MRRF: variants seen among roughly 807,000 people sequenced by gnomAD.
MRRF encodes ribosome-recycling factor, mitochondrial.
Under a neutral mutation model 25.1 loss-of-function variants are expected in MRRF, and 18 were observed. That is an observed-to-expected ratio of 0.72 (90% confidence interval 0.50 to 1.06). MRRF has a LOEUF of 1.06. Ranked by LOEUF, MRRF falls within the 50% of genes least tolerant of loss-of-function variation. The pLI, the probability that MRRF is intolerant of heterozygous loss-of-function variation, is 0.00. For synonymous variants in MRRF, 113 were observed against 112.1 expected (o/e 1.01, Z -0.05); for missense variants, 323 against 319.3 (o/e 1.01, Z -0.09).
intron 5 of MRRF, among the ~76,000 whole-genome samples, chr9:122,298,963 A>G (rs1047465928): frequency 6.6e-6 from 1 of 152,158 alleles, no homozygotes; most frequent in Non-Finnish European, 1.5e-5. Flanking sequence ...GTACAAGAAC[A>G]AACCATGCCT....
At chr9:122,298,094 G>A (rs1026078356) in intron 5 of MRRF, among the ~76,000 whole-genome samples, 1 of 152,164 alleles carries the variant, frequency 6.6e-6, no homozygotes, top group Non-Finnish European at 1.5e-5. Context: ...AGCTAGTAAA[G>A]GTAGAGTTGA....
chr9:122,309,320 CT>C (rs1198520714), intron 5 of MRRF, among the ~76,000 whole-genome samples: 7 of 152,144 alleles, frequency 4.6e-5, no homozygotes, highest in African/African-American at 1.7e-4. Flanking sequence ...CTACTAAGAC[CT>C]ACTAAGACAT....
At chr9:122,269,434 A>T (rs1344216247) in intron 1 of MRRF, among the ~76,000 whole-genome samples, 1 of 151,668 alleles carries the variant, frequency 6.6e-6, no homozygotes, top group Non-Finnish European at 1.5e-5. Flanking sequence ...CTGGCATAAA[A>T]GTTTTAGAGG....
chr9:122,301,226 C>T (rs1463470154), intron 5 of MRRF, among the ~76,000 whole-genome samples: 1 of 152,142 alleles, frequency 6.6e-6, no homozygotes, highest in Non-Finnish European at 1.5e-5. Context: ...TTATTCCCTC[C>T]ACCCCGCCGT....
chr9:122,301,292 G>C (rs762493556), intron 5 of MRRF, among the ~76,000 whole-genome samples: 1 of 152,208 alleles, frequency 6.6e-6, no homozygotes, highest in Non-Finnish European at 1.5e-5. Flanking sequence ...TTTCCAGGGA[G>C]AGCAAGCTGG....
At chr9:122,287,371 C>A (rs1401051082) in intron 4 of MRRF, among the ~76,000 whole-genome samples, 30 of 152,170 alleles carry the variant, frequency 2.0e-4, no homozygotes, top group Admixed American at 1.9e-3. Flanking sequence ...GGGAGGCACT[C>A]ATTTCTGATG....
chr9:122,285,852 A>T (rs778088711), intron 4 of MRRF: 66 of 1,285,664 alleles, frequency 5.1e-5, no homozygotes, highest in Non-Finnish European at 6.7e-5. Flanking sequence ...TGACCTCTGC[A>T]TTAGTATTTG....
chr9:122,285,127 A>G (rs778236137), intron 3 of MRRF, 42 bp from the exon 4 acceptor site: 8 of 1,297,062 alleles, frequency 6.2e-6, no homozygotes, highest in Non-Finnish European at 7.8e-6. Context: ...TGGGGCTACT[A>G]AGGTTCTTTG....
At chr9:122,286,275 A>C (rs1287341628) in intron 4 of MRRF, 7 of 1,111,618 alleles carry the variant, frequency 6.3e-6, no homozygotes, top group Non-Finnish European at 8.2e-6. Flanking sequence ...GATAGGAGAA[A>C]GGGAAAGCCC....
At chr9:122,304,285 C>G (rs1834687725) in intron 5 of MRRF, among the ~76,000 whole-genome samples, 1 of 151,754 alleles carries the variant, frequency 6.6e-6, no homozygotes, top group African/African-American at 2.4e-5. Context: ...TTCCAGTACA[C>G]TGTTTCTTTC....
chr9:122,289,920 CT>C (rs780767874), intron 4 of MRRF, among the ~76,000 whole-genome samples: 3 of 151,666 alleles, frequency 2.0e-5, no homozygotes, highest in Non-Finnish European at 1.5e-5. Context: ...CCCAGCTCTT[CT>C]TTCTTTTTTT....
chr9:122,270,978 T>TA lies in MRRF; in HGVS notation c.88dup (p.Thr30AsnfsTer7). 5.0e-6 allele frequency: 8 copies of TA among 1,614,212 alleles called. No homozygotes were observed. Among genetic ancestry groups the TA allele is most frequent in the Non-Finnish European group, 5.9e-6 (7 of 1,180,018 alleles). ...CCTCTATCAGACCCGTTTCAGAAGT[T>TA]ACACTGAAGACAGTGCATGAAAGAC... On this transcript the variant is annotated frameshift_variant, in exon 2 of 7. Coordinates refer to ENST00000344641, the MANE Select transcript of MRRF (RefSeq NM_138777.5). LOFTEE classifies it high-confidence loss of function.
At chr9:122,311,124 CAG>C (rs1835178073) in intron 5 of MRRF, among the ~76,000 whole-genome samples, 1 of 152,180 alleles carries the variant, frequency 6.6e-6, no homozygotes, top group Admixed American at 6.5e-5. Flanking sequence ...CTGAGGCTCA[CAG>C]AGATTAAGTA....
At chr9:122,291,667 T>C in intron 4 of MRRF, 82 bp from the exon 5 acceptor site, 1 of 940,592 alleles carries the variant, frequency 1.1e-6, no homozygotes. Context: ...TCTGCCAAGA[T>C]GGGTTGCCAG....
At chr9:122,269,768 A>T (rs991825279) in intron 1 of MRRF, among the ~76,000 whole-genome samples, 9 of 152,184 alleles carry the variant, frequency 5.9e-5, no homozygotes, top group African/African-American at 2.2e-4. Flanking sequence ...TTTGAAAAAA[A>T]AGGTGATAGC....
intron 1 of MRRF, among the ~76,000 whole-genome samples, chr9:122,267,380 C>CAAAA (rs892711250): frequency 7.0e-5 from 5 of 71,364 alleles, no homozygotes; most frequent in Admixed American, 3.3e-4. Flanking sequence ...GACTCTGTCT[C>CAAAA]AAAAAAAAAA....
chr9:122,285,204 G>C lies in MRRF; in HGVS notation c.376G>C (p.Gly126Arg). The C allele has an allele frequency of 6.2e-7, 1 of 1,613,868 alleles. No homozygotes were observed. Among genetic ancestry groups the C allele is most frequent in the Non-Finnish European group, 8.5e-7 (1 of 1,179,804 alleles). Residue 126 changes from glycine (G) to arginine (R), a missense_variant, in exon 4 of 7, where the codon GGG (glycine) becomes CGG (arginine). By Grantham distance (125) the Gly-to-Arg change is moderately radical. Coordinates refer to ENST00000344641, the MANE Select transcript of MRRF (RefSeq NM_138777.5). ...LDKIAVVTAD[G>R]KLALNQISQI... is the part of the protein sequence containing the mutation. ...CAAGATTGCTGTGGTAACTGCTGAC[G>C]GGAAGCTTGCTTTAAACCAGATTAG...
At chr9:122,280,674 C>A in intron 3 of MRRF, 76 bp downstream of exon 3, 1 of 1,439,068 alleles carries the variant, frequency 6.9e-7, no homozygotes, top group Non-Finnish European at 9.7e-7. Context: ...AGTTTTAGTC[C>A]CAGCTTTGCC....
intron 5 of MRRF, among the ~76,000 whole-genome samples, chr9:122,310,706 C>T (rs1388118301): frequency 6.6e-6 from 1 of 152,188 alleles, no homozygotes; most frequent in Admixed American, 6.5e-5. Flanking sequence ...CAAGAACTGG[C>T]ACAGAGCGTA....
Sources: allele counts gnomAD v4.1 joint callset (sites outside exome capture counted in the v4.1 genomes callset), GRCh38; gene constraint gnomAD v4.1.1; transcripts MANE v1.5; gene names NCBI Gene and HGNC (gene_info 2026-07-23, HGNC 2026-07-21).